ZMYM4: variants seen among roughly 807,000 people sequenced by gnomAD.
ZMYM4 encodes the protein zinc finger MYM-type protein 4.
ZMYM4 carries 31 observed loss-of-function variants against 183.2 expected under a neutral mutation model. The ratio of observed to expected loss-of-function variants is 0.17; its 90% CI spans 0.13 to 0.23. The LOEUF is 0.23. Among genes scored for constraint, ZMYM4 ranks in the 10% least tolerant of loss-of-function variants. ZMYM4 has a pLI of 1.00. For synonymous variants in ZMYM4, 592 were observed against 631.2 expected (o/e 0.94, Z 0.93); for missense variants, 1,273 against 1,840.3 (o/e 0.69, Z 5.64).
intron 7 of ZMYM4, 188 bp downstream of exon 7, chr1:35,370,815 G>A (rs1165534483): frequency 1.6e-6 from 1 of 633,632 alleles, no homozygotes; most frequent in Admixed American, 4.5e-5. Context: ...GGTGCTAGGT[G>A]CTCAGCTTGT....
intron 1 of ZMYM4, among the ~76,000 whole-genome samples, chr1:35,319,493 G>A (rs1005117590): frequency 1.3e-4 from 19 of 151,990 alleles, no homozygotes; most frequent in African/African-American, 4.6e-4. Flanking sequence ...GCGTGGTTGT[G>A]CACACCTCTA....
chr1:35,282,787 C>G (rs574376876), intron 1 of ZMYM4, among the ~76,000 whole-genome samples: 1 of 152,132 alleles, frequency 6.6e-6, no homozygotes, highest in East Asian at 1.9e-4. Context: ...AACTCCTGAG[C>G]TCAAGCGATG....
intron 1 of ZMYM4, among the ~76,000 whole-genome samples, chr1:35,288,244 CCTT>C (rs1285644210): frequency 6.6e-6 from 1 of 152,174 alleles, no homozygotes; most frequent in Non-Finnish European, 1.5e-5. Context: ...TTTCGCACTC[CCTT>C]CTTTACTGTT....
At position 35,389,185 on chromosome 1, in the gene ZMYM4, T is replaced by A; in HGVS notation, c.2436+103T>A. The A allele has an allele frequency of 1.7e-6, 2 of 1,209,272 alleles. No homozygotes were observed. The highest frequency in any genetic ancestry group is 2.3e-6 in the Non-Finnish European group (2 of 883,050). The allele number at this position is 1,209,272 out of a possible 1,614,324, so 74.9% of individuals were successfully genotyped here. ...GGACAATTTAATTATTTAAAACTTT[T>A]AAGTATTAAATGTTTTATGCCTTCT... On this transcript the variant is annotated intron_variant, in intron 14 of 29. Coordinates refer to ENST00000314607, the MANE Select transcript of ZMYM4 (RefSeq NM_005095.3). The surrounding 1 kb of genome is among the most constrained non-coding windows in gnomAD (Gnocchi z 4.0).
chr1:35,387,998 A>G (rs975094529), intron 13 of ZMYM4, among the ~76,000 whole-genome samples: 2 of 152,256 alleles, frequency 1.3e-5, no homozygotes, highest in Non-Finnish European at 2.9e-5. Flanking sequence ...ATTTCTGAAT[A>G]TAAATGGCTT....
At chr1:35,312,148 T>A (rs1202125917) in intron 1 of ZMYM4, among the ~76,000 whole-genome samples, 1 of 152,214 alleles carries the variant, frequency 6.6e-6, no homozygotes, top group Non-Finnish European at 1.5e-5. Flanking sequence ...ATTTTTGTTG[T>A]TGTTGTTGTT....
chr1:35,296,162 C>G (rs1169501136), intron 1 of ZMYM4, among the ~76,000 whole-genome samples: 1 of 152,126 alleles, frequency 6.6e-6, no homozygotes, highest in African/African-American at 2.4e-5. Flanking sequence ...GATGAGTGTT[C>G]CCCTTACTAA....
At chr1:35,377,158 C>G (rs1209454824) in intron 7 of ZMYM4, among the ~76,000 whole-genome samples, 2 of 152,156 alleles carry the variant, frequency 1.3e-5, no homozygotes, top group Admixed American at 6.5e-5. Context: ...CTGCCCACCT[C>G]AGCCTCCCAA....
rs748037376 is a variant in ZMYM4, at chr1:35,359,223, A to G, written c.384A>G (p.Ile128Met). Reference protein sequence around the residue: ...TQHESDNENEIQIQNKLKKDF... With the variant: ...TQHESDNENEMQIQNKLKKDF... ...ATGAATCAGACAATGAAAATGAAAT[A>G]CAAATTCAAAATAAGTTAAAAAAAG... Residue 128 changes from isoleucine to methionine, a missense_variant, in exon 3 of 30, where the codon ATA becomes ATG. Physicochemically the swap from Ile to Met is conservative, Grantham distance 10. Around this residue, in one of 6 missense-constraint regions of ZMYM4, gnomAD observed 384 missense variants for 465.6 expected, o/e 0.82. Transcript: ENST00000314607. 6.2e-7 allele frequency: 1 copy of G among 1,610,886 alleles called. No individual in the cohort carries two copies. Among genetic ancestry groups the G allele is most frequent in the East Asian group, 2.2e-5 (1 of 44,786 alleles).
At chr1:35,336,829 T>C (rs1234592692) in intron 2 of ZMYM4, among the ~76,000 whole-genome samples, 2 of 152,350 alleles carry the variant, frequency 1.3e-5, no homozygotes, top group East Asian at 3.9e-4. Flanking sequence ...GGGAGTGACC[T>C]GTAGTCCTCA....
intron 1 of ZMYM4, among the ~76,000 whole-genome samples, chr1:35,324,868 A>G (rs1444181351): frequency 1.3e-5 from 2 of 152,172 alleles, no homozygotes; most frequent in African/African-American, 4.8e-5. Flanking sequence ...ACATGGCTCT[A>G]CTTCTGTCTT....
chr1:35,289,733 C>T (rs1640668119), intron 1 of ZMYM4, among the ~76,000 whole-genome samples: 1 of 152,180 alleles, frequency 6.6e-6, no homozygotes, highest in South Asian at 2.1e-4. Flanking sequence ...ATAGCACTGC[C>T]CCACTAGTTG....
chr1:35,332,047 T>C (rs2148835929), intron 2 of ZMYM4, among the ~76,000 whole-genome samples: 1 of 152,118 alleles, frequency 6.6e-6, no homozygotes, highest in Middle Eastern at 3.4e-3. Flanking sequence ...ATACATTTAC[T>C]AATAGCCATG....
chr1:35,284,166 C>T (rs1052901537), intron 1 of ZMYM4, among the ~76,000 whole-genome samples: 6 of 151,394 alleles, frequency 4.0e-5, no homozygotes, highest in South Asian at 4.2e-4. Flanking sequence ...TTAGTAGAGA[C>T]GGGGTTTCAC....
chr1:35,312,694 T>TTTCTTTCCC (rs1259335355), intron 1 of ZMYM4, among the ~76,000 whole-genome samples: 1 of 151,946 alleles, frequency 6.6e-6, no homozygotes, highest in Non-Finnish European at 1.5e-5. Flanking sequence ...CTTTTCTTTC[T>TTTCTTTCCC]TTCTTTCCCT....
chr1:35,297,347 G>A lies in ZMYM4; in HGVS notation c.40-28013G>A, dbSNP rs538265926. ...ATTAAGATTATTAATACAAAAATGA[G>A]CCAGGCATTTTGGCTTACACCTGAG... On this transcript the variant is annotated intron_variant, in intron 1 of 29. Coordinates refer to ENST00000314607, the MANE Select transcript of ZMYM4 (RefSeq NM_005095.3). Among the ~76,000 whole-genome samples, 10 of 152,082 alleles carry A rather than the reference G, an allele frequency of 6.6e-5. No homozygotes were observed. In the South Asian group the frequency reaches 1.7e-3, roughly 25 times the overall value.
Position 35,390,011 on chromosome 1 carries a change from G to A in ZMYM4, c.2500G>A (p.Glu834Lys). The A allele has an allele frequency of 6.2e-7, 1 of 1,613,924 alleles. No homozygotes were observed. The highest frequency in any genetic ancestry group is 8.5e-7 in the Non-Finnish European group (1 of 1,179,940). The stretch of plus-strand genomic sequence containing the variant: ...CAGTGAGTCCTTGAAATGGCGAGGG[G>A]AAATGAAACATTTCTGTAACCTGCT... Reference protein sequence around the residue: ...KLSESLKWRGEMKHFCNLLCI... With the variant: ...KLSESLKWRGKMKHFCNLLCI... The change falls in exon 15 of 30, where the codon GAA becomes AAA. Residue 834 changes from glutamate to lysine, a missense_variant. Glu to Lys is a moderately conservative substitution (Grantham distance 56). Transcript: ENST00000314607.
chr1:35,275,001 T>C (rs942146597), intron 1 of ZMYM4, among the ~76,000 whole-genome samples: 2 of 152,178 alleles, frequency 1.3e-5, no homozygotes, highest in African/African-American at 4.8e-5. Flanking sequence ...ATTCTTTATC[T>C]GGAATGTATG....
At chr1:35,336,905 C>T (rs1411388428) in intron 2 of ZMYM4, among the ~76,000 whole-genome samples, 4 of 152,090 alleles carry the variant, frequency 2.6e-5, no homozygotes, top group African/African-American at 7.2e-5. Context: ...CTTGTGACAG[C>T]GAGTGAATTC....
Sources: allele counts gnomAD v4.1 joint callset (sites outside exome capture counted in the v4.1 genomes callset), GRCh38; gene constraint gnomAD v4.1.1; regional missense constraint gnomAD v4.1.1; non-coding constraint Gnocchi (gnomAD v3.1); transcripts MANE v1.5; gene names NCBI Gene and HGNC (gene_info 2026-07-23, HGNC 2026-07-21).